ST3GAL1: variants seen among roughly 807,000 people sequenced by gnomAD.
ST3GAL1 encodes the protein ST3 beta-galactoside alpha-2,3-sialyltransferase 1, also known as CMP-N-acetylneuraminate-beta-galactosamide-alpha-2,3-sialyltransferase 1.
Under a neutral mutation model 34.1 loss-of-function variants are expected in ST3GAL1, and 16 were observed. That is an observed-to-expected ratio of 0.47 (90% CI 0.32 to 0.71). ST3GAL1 has a LOEUF of 0.71. ST3GAL1 is among the 30% of genes least tolerant of loss of function. ST3GAL1 has a pLI of 0.04. For synonymous variants in ST3GAL1, 191 were observed against 184.7 expected (o/e 1.03, Z -0.28); for missense variants, 353 against 447.4 (o/e 0.79, Z 1.90).
intron 3 of ST3GAL1, among the ~76,000 whole-genome samples, chr8:133,493,924 C>T (rs1236123738): frequency 6.6e-6 from 1 of 152,004 alleles, no homozygotes; most frequent in African/African-American, 2.4e-5. Context: ...ACTCTTTTCA[C>T]CTTCTTCTCT....
chr8:133,484,839 C>G (rs1033881903), intron 3 of ST3GAL1, among the ~76,000 whole-genome samples: 2 of 152,142 alleles, frequency 1.3e-5, no homozygotes, highest in Non-Finnish European at 2.9e-5. Flanking sequence ...GGCCTGATAC[C>G]GCTGACCCTG....
At chr8:133,473,882 G>C (rs1816060363) in intron 5 of ST3GAL1, among the ~76,000 whole-genome samples, 1 of 152,200 alleles carries the variant, frequency 6.6e-6, no homozygotes, top group Non-Finnish European at 1.5e-5. Flanking sequence ...CTGAGGCTGA[G>C]AGCAGACCCT....
intron 5 of ST3GAL1, among the ~76,000 whole-genome samples, chr8:133,470,347 A>G (rs2130932553): frequency 6.6e-6 from 1 of 151,844 alleles, no homozygotes; most frequent in Non-Finnish European, 1.5e-5. Flanking sequence ...TGAACCCAGG[A>G]GGCGGAGGTT....
rs1807376864 is a variant in ST3GAL1 at position 133,456,051 on chromosome 8, A to G, written c.*3713T>C. The G allele has an allele frequency of 6.7e-6, 1 of 149,742 alleles. No homozygotes were observed. The highest frequency in any genetic ancestry group is 3.4e-3 in the Middle Eastern group (1 of 294). The allele number at this position is 149,742 out of a possible 1,614,324, so 9.3% of individuals were successfully genotyped here. A position where few individuals can be genotyped will look rare whatever the true frequency, so the allele number is the denominator to read the frequency against. On this transcript the variant is annotated 3_prime_UTR_variant, in exon 10 of 10. Coordinates refer to ENST00000522652, the MANE Select transcript of ST3GAL1 (RefSeq NM_173344.3). ...TTTTTTCCCTCCTATTTTACATTCT[A>G]TTTTCTCATATCCAGCTTTTCTCTC...
intron 1 of ST3GAL1, among the ~76,000 whole-genome samples, chr8:133,565,967 T>C (rs1348956891): frequency 2.0e-5 from 3 of 152,230 alleles, no homozygotes; most frequent in Non-Finnish European, 4.4e-5. Flanking sequence ...GGAACCACAA[T>C]AGCGTCCACT....
chr8:133,563,102 TTTAGTTCACTGTGTA>T (rs1287755381), intron 1 of ST3GAL1, among the ~76,000 whole-genome samples: 2 of 152,168 alleles, frequency 1.3e-5, no homozygotes, highest in Non-Finnish European at 2.9e-5. Context: ...ACTCTGGTGT[TTTAGTTCACTGTGTA>T]TTCAAATGGA....
rs1016636193 is a variant in ST3GAL1 at position 133,476,432 on chromosome 8, C to A, written c.-205G>T. 6.3e-6 allele frequency: 1 copy of A among 159,090 alleles called. No homozygotes were observed. Among genetic ancestry groups the A allele is most frequent in the Non-Finnish European group, 1.4e-5 (1 of 72,198 alleles). 9.9% of individuals were successfully genotyped at this position (159,090 alleles called of 1,614,324 possible). On this transcript the variant is annotated 5_prime_UTR_variant, in exon 4 of 10. Coordinates refer to ENST00000522652, the MANE Select transcript of ST3GAL1 (RefSeq NM_173344.3). Reference sequence around the variant, plus strand: ...GTCCAGGGTCCCTCAGGAGCGAGGACCTCGAAGGAAGGGTGTTGGTATAGC... The same window carrying A: ...GTCCAGGGTCCCTCAGGAGCGAGGAACTCGAAGGAAGGGTGTTGGTATAGC...
At chr8:133,541,628 C>A (rs537609131) in intron 2 of ST3GAL1, among the ~76,000 whole-genome samples, 193 of 152,332 alleles carry the variant, frequency 1.3e-3, no homozygotes, top group African/African-American at 4.5e-3. Context: ...TCAGCAGGGA[C>A]AAATGCTTCC....
At chr8:133,475,469 T>C (rs1295919408) in intron 5 of ST3GAL1, among the ~76,000 whole-genome samples, 3 of 152,184 alleles carry the variant, frequency 2.0e-5, no homozygotes, top group Non-Finnish European at 4.4e-5. Flanking sequence ...TAATAGATCC[T>C]CAATAAATAG....
intron 1 of ST3GAL1, among the ~76,000 whole-genome samples, chr8:133,555,381 C>T (rs1818981149): frequency 6.6e-6 from 1 of 152,126 alleles, no homozygotes; most frequent in South Asian, 2.1e-4. Context: ...TTCCATGTGT[C>T]GTTTCTCAGC....
chr8:133,570,511 C>G lies in ST3GAL1; in HGVS notation c.-582+1182G>C, dbSNP rs1236963899. ...GCGCATGGTACGGCCGCCGAGGACC[C>G]TAGCGTAGGAGGGAGGAGCGAGTCA... On this transcript the variant is annotated intron_variant, in intron 1 of 9. Transcript: ENST00000522652. The surrounding 1 kb of genome is among the most constrained non-coding windows in gnomAD (Gnocchi z 5.6). 6.6e-6 allele frequency: 1 copy of G among 152,208 alleles called. No individual in the cohort carries two copies. The highest frequency in any genetic ancestry group is 2.4e-5 in the African/African-American group (1 of 41,426). The allele number at this position is 152,208 out of a possible 1,614,324, so 9.4% of individuals were successfully genotyped here.
intron 2 of ST3GAL1, among the ~76,000 whole-genome samples, chr8:133,519,192 A>G (rs1259851931): frequency 6.6e-6 from 1 of 152,200 alleles, no homozygotes; most frequent in African/African-American, 2.4e-5. Flanking sequence ...GACATCTTTG[A>G]CACCTACTAG....
intron 2 of ST3GAL1, among the ~76,000 whole-genome samples, chr8:133,543,060 T>A (rs1195801031): frequency 6.6e-6 from 1 of 152,194 alleles, no homozygotes; most frequent in African/African-American, 2.4e-5. Flanking sequence ...TGGAGACACC[T>A]GGAAGACACC....
intron 2 of ST3GAL1, among the ~76,000 whole-genome samples, chr8:133,532,184 T>C (rs916021974): frequency 2.9e-4 from 44 of 152,166 alleles, no homozygotes; most frequent in African/African-American, 1.0e-3. Context: ...GAAAATGTCA[T>C]TTATGGGATG....
intron 3 of ST3GAL1, among the ~76,000 whole-genome samples, chr8:133,490,732 C>G (rs1332504768): frequency 2.0e-5 from 3 of 152,182 alleles, no homozygotes; most frequent in Admixed American, 1.3e-4. Context: ...CGTGGAAGTC[C>G]TGAGGAACGT....
intron 3 of ST3GAL1, among the ~76,000 whole-genome samples, chr8:133,497,237 C>T (rs1176121534): frequency 6.6e-6 from 1 of 152,208 alleles, no homozygotes; most frequent in Non-Finnish European, 1.5e-5. Context: ...CGGATTCCTG[C>T]CCTGCCTGGA....
intron 1 of ST3GAL1, among the ~76,000 whole-genome samples, chr8:133,552,009 T>C (rs1818879044): frequency 6.6e-6 from 1 of 152,240 alleles, no homozygotes; most frequent in South Asian, 2.1e-4. Context: ...CTCTACTCTA[T>C]TGTAAAGTCT....
At chr8:133,493,846 A>AG (rs1303935414) in intron 3 of ST3GAL1, among the ~76,000 whole-genome samples, 5 of 103,930 alleles carry the variant, frequency 4.8e-5, no homozygotes, top group African/African-American at 1.1e-4. Context: ...ACTCTGTATC[A>AG]GGAAAAAAAA....
rs1358612189 is a variant in ST3GAL1 at position 133,508,130 on chromosome 8, G to A, written c.-428-8941C>T. ...CCCACTGATGGTAAGTACTAGAGTT[G>A]AAAAAAAGGCATCTTTCCCCAACAG... On this transcript the variant is annotated intron_variant, in intron 2 of 9. Coordinates refer to ENST00000522652, the MANE Select transcript of ST3GAL1 (RefSeq NM_173344.3). The surrounding 1 kb of genome is among the most constrained non-coding windows in gnomAD (Gnocchi z 4.1). 6.6e-6 allele frequency among the ~76,000 whole-genome samples: 1 copy of A among 151,844 alleles called. No individual in the cohort carries two copies. Among genetic ancestry groups the A allele is most frequent in the Non-Finnish European group, 1.5e-5 (1 of 67,986 alleles).
Sources: allele counts gnomAD v4.1 joint callset (sites outside exome capture counted in the v4.1 genomes callset), GRCh38; gene constraint gnomAD v4.1.1; non-coding constraint Gnocchi (gnomAD v3.1); transcripts MANE v1.5; gene names NCBI Gene and HGNC (gene_info 2026-07-23, HGNC 2026-07-21).